Variants in RGS13 observed in about 807,000 individuals in gnomAD.
RGS13 encodes regulator of G-protein signalling 13.
A neutral mutation model predicts 19.9 loss-of-function variants in RGS13; 14 were observed. The observed-to-expected ratio is 0.70, with a 90% CI of 0.46 to 1.10. The LOEUF (loss-of-function observed/expected upper bound fraction) is 1.10, where lower values mean the gene tolerates loss of function less well. RGS13 is among the 50% of genes least tolerant of loss of function. The pLI is 0.00. For synonymous variants in RGS13, 60 were observed against 56.8 expected (o/e 1.06, Z -0.25); for missense variants, 205 against 187.1 (o/e 1.10, Z -0.56).
intron 6 of RGS13, chr1:192,658,671 G>A (rs570176186): frequency 8.0e-5 from 20 of 251,282 alleles, no homozygotes; most frequent in Non-Finnish European, 1.2e-4. Flanking sequence ...AGTCTGTGGC[G>A]AAAGCATTGG....
intron 5 of RGS13, among the ~76,000 whole-genome samples, chr1:192,649,556 C>CTT (rs756384453): frequency 2.0e-5 from 3 of 152,066 alleles, no homozygotes; most frequent in Non-Finnish European, 4.4e-5. Context: ...GAATATCATT[C>CTT]TTTTTTCTCT....
intron 5 of RGS13, among the ~76,000 whole-genome samples, chr1:192,650,317 T>C (rs1377454342): frequency 2.0e-5 from 3 of 152,074 alleles, no homozygotes; most frequent in Non-Finnish European, 4.4e-5. Context: ...CATATTACTA[T>C]GAAGTTCACA....
At chr1:192,640,049 A>T (rs1488729994) in intron 3 of RGS13, among the ~76,000 whole-genome samples, 1 of 152,186 alleles carries the variant, frequency 6.6e-6, no homozygotes, top group African/African-American at 2.4e-5. Context: ...AGATCAAGTG[A>T]GAAGACAGTG....
intron 5 of RGS13, among the ~76,000 whole-genome samples, chr1:192,648,636 G>A (rs1663261826): frequency 6.6e-6 from 1 of 152,054 alleles, no homozygotes. Context: ...AAAATGTAGG[G>A]TGTAGACACA....
At chr1:192,641,254 AAAAGAAAGAAAGAAAGAAAGAAAG>A (rs771323101) in intron 3 of RGS13, among the ~76,000 whole-genome samples, 222 of 67,464 alleles carry the variant, frequency 3.3e-3, no homozygotes, top group African/African-American at 0.011. Flanking sequence ...GAAAAGAAAG[AAAAGAAAGAAAGAAAGAAAGAAAG>A]AAAGAAAGAA....
At chr1:192,637,777 TTTTTTA>T (rs1373006997) in intron 2 of RGS13, 117 bp downstream of exon 2, 2 of 152,174 alleles carry the variant, frequency 1.3e-5, no homozygotes, top group East Asian at 3.9e-4. Flanking sequence ...TTTAAAGTTA[TTTTTTA>T]TTTTTATCCA....
chr1:192,654,342 A>T (rs986939831), intron 5 of RGS13, among the ~76,000 whole-genome samples: 6 of 151,712 alleles, frequency 4.0e-5, no homozygotes, highest in African/African-American at 7.2e-5. Context: ...TAGGAAATTT[A>T]AAAAATACAT....
At chr1:192,649,661 C>T (rs1469348799) in intron 5 of RGS13, among the ~76,000 whole-genome samples, 1 of 152,110 alleles carries the variant, frequency 6.6e-6, no homozygotes, top group East Asian at 1.9e-4. Flanking sequence ...TATGACCTGT[C>T]ACATAACATG....
intron 5 of RGS13, among the ~76,000 whole-genome samples, chr1:192,650,017 C>T (rs1663307043): frequency 6.6e-6 from 1 of 151,926 alleles, no homozygotes; most frequent in South Asian, 2.1e-4. Context: ...AATGAGCATG[C>T]AATAAATGTT....
chr1:192,642,928 C>T (rs1487495188), intron 3 of RGS13, among the ~76,000 whole-genome samples: 3 of 152,134 alleles, frequency 2.0e-5, no homozygotes, highest in Non-Finnish European at 4.4e-5. Context: ...GGTGCAATTA[C>T]AGCTTGCTAC....
intron 5 of RGS13, among the ~76,000 whole-genome samples, chr1:192,655,260 G>A (rs573463121): frequency 2.6e-5 from 4 of 152,238 alleles, no homozygotes; most frequent in South Asian, 2.1e-4. Flanking sequence ...ACATGAGTCC[G>A]CTCATTCTGC....
At position 192,659,532 on chromosome 1, in the gene RGS13, CA is replaced by C; in HGVS notation, c.*13del. 1.3e-5 allele frequency: 21 copies of C among 1,590,800 alleles called. No individual in the cohort carries two copies. Among genetic ancestry groups the C allele is most frequent in the Non-Finnish European group, 1.8e-5 (21 of 1,167,892 alleles). On this transcript the variant is annotated 3_prime_UTR_variant, in exon 7 of 7. Coordinates refer to ENST00000391995, the MANE Select transcript of RGS13 (RefSeq NM_002927.5). The stretch of plus-strand genomic sequence containing the variant: ...CCAACAACAGTTTCTGACTACAACT[CA>C]AAAGTTTAAATAGAAAACAGTATAT...
intron 5 of RGS13, among the ~76,000 whole-genome samples, chr1:192,649,445 A>C (rs530207654): frequency 1.3e-5 from 2 of 152,274 alleles, no homozygotes; most frequent in South Asian, 4.1e-4. Context: ...TTTCAGGTTT[A>C]TTGTGCAGGT....
Position 192,653,307 on chromosome 1 carries a change from A to G in RGS13, c.128-4894A>G, listed in dbSNP as rs117011675. 8.0e-3 allele frequency among the ~76,000 whole-genome samples: 1,216 copies of G among 152,262 alleles called. 43 individuals carry two copies. Among genetic ancestry groups the G allele is most frequent in the Admixed American group, 0.063 (959 of 15,266 alleles). On this transcript the variant is annotated intron_variant, in intron 5 of 6. Transcript: ENST00000391995. ...TTTAAAAATACATATTTAAACAACT[A>G]CAAGTTACTGACTTCACCCCATTAG...
intron 5 of RGS13, among the ~76,000 whole-genome samples, chr1:192,648,539 C>T (rs1259776897): frequency 1.3e-5 from 2 of 152,044 alleles, no homozygotes; most frequent in Non-Finnish European, 2.9e-5. Context: ...GGAGGACGTG[C>T]ATTCAAAAGA....
In RGS13 at chr1:192,659,675, C is replaced by T; in HGVS notation, c.*152C>T. The stretch of plus-strand genomic sequence containing the variant: ...TTAGTTCCTAAAAAGAAACATATTT[C>T]AAAAGCAATGGAATCTAGAATTCTT... On this transcript the variant is annotated 3_prime_UTR_variant, in exon 7 of 7. Coordinates refer to ENST00000391995, the MANE Select transcript of RGS13 (RefSeq NM_002927.5). 1.7e-6 allele frequency: 1 copy of T among 604,646 alleles called. No homozygotes were observed. Among genetic ancestry groups the T allele is most frequent in the Non-Finnish European group, 2.9e-6 (1 of 346,732 alleles). 37.5% of individuals were successfully genotyped at this position (604,646 alleles called of 1,614,324 possible).
chr1:192,659,711 TAAC>T lies in RGS13; in HGVS notation c.*191_*193del, dbSNP rs1663576524. 3 of 547,330 alleles carry T rather than the reference TAAC, an allele frequency of 5.5e-6. No homozygotes were observed. The South Asian group carries it at 7.7e-5, about 14-fold the overall frequency. The allele number at this position is 547,330 out of a possible 1,614,324, so 33.9% of individuals were successfully genotyped here. A position where few individuals can be genotyped will look rare whatever the true frequency, so the allele number is the denominator to read the frequency against. On this transcript the variant is annotated 3_prime_UTR_variant, in exon 7 of 7. Transcript: ENST00000391995. ...GAATCTAGAATTCTTATAACATGAATAACAAAATGTACAGCAAGCCTATGTAGT... is the reference window on the plus strand; with the variant it reads ...GAATCTAGAATTCTTATAACATGAATAAAATGTACAGCAAGCCTATGTAGT...
rs1663575286 is a variant in RGS13 at position 192,659,615 on chromosome 1, A to G, written c.*92A>G. On this transcript the variant is annotated 3_prime_UTR_variant, in exon 7 of 7. Transcript: ENST00000391995. ...AAACCCACAAAATCAGAAACACAGT[A>G]CAAATAAAACAGAAATCAAACTATA... 3.5e-6 allele frequency: 3 copies of G among 848,536 alleles called. No homozygotes were observed. The highest frequency in any genetic ancestry group is 3.4e-5 in the South Asian group (2 of 58,254). The allele number at this position is 848,536 out of a possible 1,614,324, so 52.6% of individuals were successfully genotyped here. A position where few individuals can be genotyped will look rare whatever the true frequency, so the allele number is the denominator to read the frequency against.
intron 6 of RGS13, chr1:192,659,129 G>A (rs1558054420): frequency 1.1e-5 from 4 of 374,182 alleles, no homozygotes; most frequent in African/African-American, 4.2e-5. Context: ...TTTCTTTTTT[G>A]TTCCTCTTGG....
Sources: gnomAD v4.1 joint callset for allele counts (sites outside exome capture counted in the v4.1 genomes callset) on GRCh38, gnomAD v4.1.1 for gene constraint, MANE v1.5 for transcripts, NCBI Gene and HGNC (gene_info 2026-07-23, HGNC 2026-07-21) for gene names.